BMPR1A: variants seen among roughly 807,000 people sequenced by gnomAD.
BMPR1A encodes bone morphogenetic protein receptor type-1A.
Under a neutral mutation model 66.0 loss-of-function variants are expected in BMPR1A, and 7 were observed. That is an observed-to-expected ratio of 0.11 (90% CI 0.06 to 0.20). The LOEUF (loss-of-function observed/expected upper bound fraction) is 0.20, where lower values mean the gene tolerates loss of function less well. Among genes scored for constraint, BMPR1A ranks in the 10% least tolerant of loss-of-function variants. The pLI is 1.00. For missense variants in BMPR1A, 408 were observed against 669.1 expected (o/e 0.61, Z 4.31); for synonymous variants, 200 against 229.7 (o/e 0.87, Z 1.17).
At chr10:86,855,981 C>G in intron 2 of BMPR1A, 1 of 622,508 alleles carries the variant, frequency 1.6e-6, no homozygotes, top group Non-Finnish European at 3.0e-6. Flanking sequence ...GCCACTTTGC[C>G]CTTCCTTTAG....
upstream of BMPR1A, chr10:86,756,353 C>T (rs1193393468): frequency 3.3e-5 from 5 of 152,080 alleles, no homozygotes; most frequent in African/African-American, 1.2e-4. Context: ...AGCCCCGACT[C>T]CCGCCCGCAC....
intron 1 of BMPR1A, among the ~76,000 whole-genome samples, 197 bp from the exon 2 acceptor site, chr10:86,838,667 CT>C (rs373614912): frequency 2.0e-3 from 293 of 150,090 alleles, no homozygotes; most frequent in Middle Eastern, 6.9e-3. Flanking sequence ...ACAGAACTAA[CT>C]TTACAAATGT....
intron 2 of BMPR1A, among the ~76,000 whole-genome samples, chr10:86,866,411 T>TTTC (rs1842788018): frequency 2.0e-5 from 1 of 49,036 alleles, no homozygotes; most frequent in African/African-American, 1.8e-4. Context: ...TTTTTTTTTT[T>TTTC]TTTTTTTTTT....
chr10:86,776,179 A>G (rs1841344992), intron 1 of BMPR1A, among the ~76,000 whole-genome samples: 1 of 152,334 alleles, frequency 6.6e-6, no homozygotes, highest in Middle Eastern at 3.4e-3. Flanking sequence ...ACATTTTTAG[A>G]TATAGTAATA....
chr10:86,892,652 C>T (rs993454098), intron 5 of BMPR1A, among the ~76,000 whole-genome samples: 2 of 152,076 alleles, frequency 1.3e-5, no homozygotes, highest in Admixed American at 1.3e-4. Flanking sequence ...TGGTCTCAAA[C>T]TCCTGGGCTC....
intron 2 of BMPR1A, among the ~76,000 whole-genome samples, chr10:86,862,966 T>G (rs1842731703): frequency 6.8e-6 from 1 of 146,638 alleles, no homozygotes; most frequent in Non-Finnish European, 1.5e-5. Flanking sequence ...ATATTTATAC[T>G]ATTTGAGCTG....
chr10:86,885,683 G>C (rs946094701), intron 3 of BMPR1A, among the ~76,000 whole-genome samples: 1 of 152,136 alleles, frequency 6.6e-6, no homozygotes, highest in African/African-American at 2.4e-5. Flanking sequence ...TAATGATGCA[G>C]ACTGTTGTTG....
intron 1 of BMPR1A, among the ~76,000 whole-genome samples, chr10:86,760,549 T>C (rs1421865884): frequency 6.6e-6 from 1 of 152,092 alleles, no homozygotes; most frequent in Non-Finnish European, 1.5e-5. Flanking sequence ...ATAGCAGTTT[T>C]TATACAAATA....
At chr10:86,769,334 A>C (rs929270275) in intron 1 of BMPR1A, among the ~76,000 whole-genome samples, 1 of 152,214 alleles carries the variant, frequency 6.6e-6, no homozygotes. Flanking sequence ...ACTTGAGGCC[A>C]GGATTTTGCA....
At chr10:86,812,898 C>A (rs1841990053) in intron 1 of BMPR1A, among the ~76,000 whole-genome samples, 1 of 152,150 alleles carries the variant, frequency 6.6e-6, no homozygotes, top group Admixed American at 6.6e-5. Flanking sequence ...AGAGTGATGT[C>A]TATTCACCAT....
chr10:86,884,344 C>T (rs1043386128), intron 3 of BMPR1A, among the ~76,000 whole-genome samples: 1 of 149,206 alleles, frequency 6.7e-6, no homozygotes, highest in Admixed American at 6.7e-5. Flanking sequence ...CCTGGACCTC[C>T]GTAAGTGCTA....
intron 1 of BMPR1A, among the ~76,000 whole-genome samples, chr10:86,797,801 T>C (rs890028524): frequency 6.6e-6 from 1 of 152,230 alleles, no homozygotes; most frequent in African/African-American, 2.4e-5. Context: ...TGGTTCCCTG[T>C]AATGTCAAGA....
chr10:86,788,689 C>T (rs1159105956), intron 1 of BMPR1A, among the ~76,000 whole-genome samples: 1 of 151,138 alleles, frequency 6.6e-6, no homozygotes, highest in Non-Finnish European at 1.5e-5. Context: ...CTCACTGTAA[C>T]CTCCGCCTCC....
chr10:86,806,799 G>C (rs11202201), intron 1 of BMPR1A, among the ~76,000 whole-genome samples: 47,158 of 151,682 alleles, frequency 0.31, 8,414 homozygotes, highest in East Asian at 0.69. Context: ...ATCTGCCTGT[G>C]TCGGCCTCCC....
intron 1 of BMPR1A, among the ~76,000 whole-genome samples, chr10:86,788,001 T>G (rs1841542732): frequency 6.6e-6 from 1 of 151,918 alleles, no homozygotes; most frequent in Non-Finnish European, 1.5e-5. Context: ...GTATCATAAA[T>G]TGGTTCAACC....
At chr10:86,807,329 T>A (rs920354636) in intron 1 of BMPR1A, among the ~76,000 whole-genome samples, 2 of 152,112 alleles carry the variant, frequency 1.3e-5, no homozygotes, top group African/African-American at 4.8e-5. Flanking sequence ...TTTAAAAAAA[T>A]TGAAGTATAA....
chr10:86,921,842 C>A, intron 11 of BMPR1A, 147 bp downstream of exon 11: 1 of 987,656 alleles, frequency 1.0e-6, no homozygotes, highest in Non-Finnish European at 1.5e-6. Context: ...TTGATACAGG[C>A]ATGCCATGTG....
chr10:86,882,787 A>T (rs1426073986), intron 3 of BMPR1A, among the ~76,000 whole-genome samples: 1 of 151,832 alleles, frequency 6.6e-6, no homozygotes, highest in Non-Finnish European at 1.5e-5. Flanking sequence ...CAACATGGAG[A>T]AACCCCGTCT....
chr10:86,778,797 G>GT (rs1057143756), intron 1 of BMPR1A, among the ~76,000 whole-genome samples: 4 of 151,448 alleles, frequency 2.6e-5, no homozygotes, highest in Admixed American at 2.0e-4. Context: ...TTACTTATAA[G>GT]TTTTTTAGTT....
Sources: allele counts gnomAD v4.1 joint callset (sites outside exome capture counted in the v4.1 genomes callset), GRCh38; gene constraint gnomAD v4.1.1; transcripts MANE v1.5; gene names NCBI Gene and HGNC (gene_info 2026-07-23, HGNC 2026-07-21).